HIVEP3: variants seen among roughly 807,000 people sequenced by gnomAD.
The protein encoded by HIVEP3 is transcription factor HIVEP3.
In HIVEP3, 49 loss-of-function variants were observed where a neutral mutation model predicts 152.8. That is an observed-to-expected ratio of 0.32 (90% CI 0.26 to 0.41). The LOEUF is 0.41. Ranked by LOEUF, HIVEP3 falls within the 10% of genes least tolerant of loss-of-function variation. The pLI is 1.00. For synonymous variants in HIVEP3, 1,269 were observed against 1,289.0 expected (o/e 0.98, Z 0.33); for missense variants, 2,790 against 3,103.3 (o/e 0.90, Z 2.40).
chr1:41,645,027 A>C (rs1348708118), intron 2 of HIVEP3, among the ~76,000 whole-genome samples: 1 of 152,128 alleles, frequency 6.6e-6, no homozygotes, highest in African/African-American at 2.4e-5. Flanking sequence ...TGGGATGCCT[A>C]ATTCCTAGAA....
rs146175722 is a variant in HIVEP3 at position 41,510,908 on chromosome 1, G to A, written c.6764C>T (p.Ser2255Leu). ...SPTESSSASV[S>L]PVAKVSKFTL... ...GAATTTGGAGACCTTAGCCACAGGC[G>A]ACACGGAGGCTGACGAGCTCTCAGT... The change falls in exon 9 of 9, where the codon TCG becomes TTG. Residue 2255 changes from serine (S) to leucine (L), a missense_variant. By Grantham distance (145) the Ser-to-Leu change is moderately radical (BLOSUM62 -2). This residue lies in a region of HIVEP3 where 816 missense variants were observed against 806.5 expected (regional missense o/e 1.01). Transcript: ENST00000372583. The A allele has an allele frequency of 1.4e-4, 232 of 1,613,582 alleles. 3 individuals are homozygous for A. In the South Asian group the frequency reaches 2.0e-3, roughly 14 times the overall value.
rs558296365 is a variant in HIVEP3 at position 41,752,243 on chromosome 1, C to T, written c.-800-51248G>A. ...ACCACAGGGTGACCTCTGTGCTGCA[C>T]CTCCCTGGTCAGCACACATGGAGTC... On this transcript the variant is annotated intron_variant, in intron 1 of 8. Transcript: ENST00000372583. Among the ~76,000 whole-genome samples, 3 of 152,336 alleles carry T rather than the reference C, an allele frequency of 2.0e-5. No individual in the cohort carries two copies. The South Asian group carries it at 6.2e-4, about 32-fold the overall frequency.
chr1:41,883,480 T>C, intron 1 of HIVEP3, among the ~76,000 whole-genome samples: 1 of 152,200 alleles, frequency 6.6e-6, no homozygotes, highest in East Asian at 1.9e-4. Flanking sequence ...GGCACTCTCC[T>C]GCGAAATGCT....
chr1:41,575,192 G>A (rs992207252), intron 5 of HIVEP3, among the ~76,000 whole-genome samples: 2 of 152,222 alleles, frequency 1.3e-5, no homozygotes, highest in Non-Finnish European at 2.9e-5. Context: ...TACATGTCAA[G>A]AGAGACAGAA....
At chr1:41,836,754 C>T (rs964868131) in intron 1 of HIVEP3, among the ~76,000 whole-genome samples, 1 of 152,224 alleles carries the variant, frequency 6.6e-6, no homozygotes, top group Non-Finnish European at 1.5e-5. Flanking sequence ...GGCATCCTGG[C>T]TTTTCTCATT....
chr1:41,860,988 A>C (rs769918179), intron 1 of HIVEP3, among the ~76,000 whole-genome samples: 1 of 152,238 alleles, frequency 6.6e-6, no homozygotes, highest in African/African-American at 2.4e-5. Flanking sequence ...GGTTCTTGGC[A>C]ACGTGATTAA....
At chr1:42,009,555 T>C (rs1645481497) in intron 1 of HIVEP3, among the ~76,000 whole-genome samples, 1 of 152,212 alleles carries the variant, frequency 6.6e-6, no homozygotes, top group African/African-American at 2.4e-5. Flanking sequence ...ATTCATAAGT[T>C]TGGAAAACCA....
chr1:41,541,508 G>A (rs1405822649), intron 5 of HIVEP3, among the ~76,000 whole-genome samples: 1 of 152,122 alleles, frequency 6.6e-6, no homozygotes, highest in East Asian at 1.9e-4. Flanking sequence ...AGATCTGCAG[G>A]CCTCTCAGCA....
intron 3 of HIVEP3, among the ~76,000 whole-genome samples, chr1:41,586,494 C>T (rs1029381925): frequency 6.8e-5 from 10 of 146,332 alleles, no homozygotes; most frequent in African/African-American, 1.7e-4. Context: ...CATCCCTTGG[C>T]GAGGCCCTGG....
intron 3 of HIVEP3, among the ~76,000 whole-genome samples, chr1:41,614,073 G>A (rs1644933990): frequency 6.6e-6 from 1 of 152,234 alleles, no homozygotes. Context: ...TGAGCCATCA[G>A]GGCAGTGTGG....
intron 2 of HIVEP3, among the ~76,000 whole-genome samples, chr1:41,663,502 G>A (rs1645750438): frequency 6.6e-6 from 1 of 152,226 alleles, no homozygotes; most frequent in African/African-American, 2.4e-5. Context: ...TGGCTCCAAA[G>A]TCATGCCCTC....
At chr1:41,513,844 G>C in intron 7 of HIVEP3, 94 bp from the exon 8 acceptor site, 1 of 1,082,266 alleles carries the variant, frequency 9.2e-7, no homozygotes, top group South Asian at 2.2e-5. Context: ...TTCCTTGCCT[G>C]CTGACTGGGC....
At chr1:41,591,254 A>G (rs1490176439) in intron 3 of HIVEP3, among the ~76,000 whole-genome samples, 1 of 152,098 alleles carries the variant, frequency 6.6e-6, no homozygotes, top group Non-Finnish European at 1.5e-5. Context: ...TCAAGAAATG[A>G]GAACCAAGGT....
intron 2 of HIVEP3, among the ~76,000 whole-genome samples, chr1:41,656,875 A>G (rs994511387): frequency 7.9e-5 from 12 of 152,208 alleles, no homozygotes; most frequent in Non-Finnish European, 1.5e-4. Context: ...CGACCACTCC[A>G]TCAGAGGCCC....
intron 1 of HIVEP3, among the ~76,000 whole-genome samples, chr1:41,798,905 G>C (rs142697268): frequency 7.9e-5 from 12 of 152,196 alleles, no homozygotes; most frequent in Non-Finnish European, 1.3e-4. Flanking sequence ...ATATCATGTA[G>C]GGTTGGGTTA....
chr1:41,643,614 T>C (rs537478061), intron 2 of HIVEP3, among the ~76,000 whole-genome samples: 12 of 152,308 alleles, frequency 7.9e-5, no homozygotes, highest in Admixed American at 7.8e-4. Context: ...GGACCAAAGG[T>C]TGCCCCAGGG....
Position 41,628,381 on chromosome 1 carries a change from C to G in HIVEP3, c.-522+368G>C, listed in dbSNP as rs997965606. On this transcript the variant is annotated intron_variant, in intron 3 of 8. Coordinates refer to ENST00000372583, the MANE Select transcript of HIVEP3 (RefSeq NM_024503.5). The stretch of plus-strand genomic sequence containing the variant: ...GAGAAGAGGGTAGACCTCTGGCTAT[C>G]AGGAGCACACAGTTGGACTGGCTTG... Among the ~76,000 whole-genome samples the G allele has an allele frequency of 8.5e-5, 13 of 152,296 alleles. No homozygotes were observed. The Middle Eastern group carries it at 0.01, about 120-fold the overall frequency.
intron 5 of HIVEP3, among the ~76,000 whole-genome samples, chr1:41,561,701 G>T (rs1173927998): frequency 3.3e-4 from 6 of 18,044 alleles, no homozygotes; most frequent in African/African-American, 9.5e-4. Flanking sequence ...TTTTTGTAGA[G>T]ACAAGGCTTT....
rs1328110722 is a variant in HIVEP3 at position 41,582,692 on chromosome 1, T to A, written c.2106A>T (p.Lys702Asn). ...HEPWSQMMHY[K>N]LGTTLELTPL... ...GAGTGAGTTCCAGGGTGGTTCCCAGTTTGTAATGCATCATTTGGGACCACG... is the reference window on the plus strand; with the variant it reads ...GAGTGAGTTCCAGGGTGGTTCCCAGATTGTAATGCATCATTTGGGACCACG... The change falls in exon 4 of 9, where the codon AAA becomes AAT. Residue 702 changes from lysine (K) to asparagine (N), a missense_variant. Lys to Asn is a moderately conservative substitution (Grantham distance 94, BLOSUM62 0). Transcript: ENST00000372583. This position sits in a 1 kb window ranked among gnomAD's most constrained non-coding sequence, Gnocchi z 4.7. The A allele has an allele frequency of 1.9e-6, 3 of 1,614,170 alleles. No homozygotes were observed. In the Admixed American group the frequency reaches 5.0e-5, roughly 27 times the overall value.
Sources: allele counts gnomAD v4.1 joint callset (sites outside exome capture counted in the v4.1 genomes callset), GRCh38; gene constraint gnomAD v4.1.1; regional missense constraint gnomAD v4.1.1; non-coding constraint Gnocchi (gnomAD v3.1); transcripts MANE v1.5; gene names NCBI Gene and HGNC (gene_info 2026-07-23, HGNC 2026-07-21).